STYK1: variants seen among roughly 807,000 people sequenced by gnomAD.
STYK1 encodes STY kinase 1.
Under a neutral mutation model 48.1 loss-of-function variants are expected in STYK1, and 46 were observed. The observed-to-expected ratio is 0.96, with a 90% confidence interval of 0.75 to 1.22. STYK1 has a LOEUF of 1.22. Ranked by LOEUF, STYK1 falls within the 50% of genes most tolerant of loss-of-function variation. The pLI, the probability that STYK1 is intolerant of heterozygous loss-of-function variation, is 0.00. For synonymous variants in STYK1, 188 were observed against 189.0 expected, an observed-to-expected ratio of 0.99 and a Z score of 0.04; for missense variants, 527 against 521.1, an observed-to-expected ratio of 1.01 and a Z score of -0.11.
At chr12:10,669,002 A>G (rs1420943881) in intron 1 of STYK1, among the ~76,000 whole-genome samples, 2 of 152,174 alleles carry the variant, frequency 1.3e-5, no homozygotes, top group Admixed American at 6.5e-5. Context: ...ACAAAAATGA[A>G]CTGGCAAAGG....
intron 1 of STYK1, among the ~76,000 whole-genome samples, chr12:10,649,453 G>A (rs1374388477): frequency 6.6e-6 from 1 of 152,154 alleles, no homozygotes; most frequent in Non-Finnish European, 1.5e-5. Flanking sequence ...AATGTTAGTG[G>A]GTTAAGTAAA....
chr12:10,647,762 C>G (rs1168091654), intron 1 of STYK1, among the ~76,000 whole-genome samples: 2 of 152,114 alleles, frequency 1.3e-5, no homozygotes, highest in Non-Finnish European at 2.9e-5. Context: ...AACATGGGGG[C>G]AGGTCTTTCC....
At chr12:10,656,196 G>A (rs1375942203) in intron 1 of STYK1, among the ~76,000 whole-genome samples, 1 of 152,200 alleles carries the variant, frequency 6.6e-6, no homozygotes, top group East Asian at 1.9e-4. Flanking sequence ...ACAGGCAAAA[G>A]ACATGGCTTT....
At position 10,619,912 on chromosome 12, in the gene STYK1, A is replaced by G; in HGVS notation, c.*232T>C. The G allele has an allele frequency of 1.7e-6, 1 of 601,062 alleles. No homozygotes were observed. Among genetic ancestry groups the G allele is most frequent in the Non-Finnish European group, 2.9e-6 (1 of 341,094 alleles). The allele number at this position is 601,062 out of a possible 1,614,324, so 37.2% of individuals were successfully genotyped here. On this transcript the variant is annotated 3_prime_UTR_variant, in exon 11 of 11. Coordinates refer to ENST00000075503, the MANE Select transcript of STYK1 (RefSeq NM_018423.3). ...TTGCACAGGTCCACCACTTCTACCC[A>G]GGATTTCTAGGACTGGGACAGCAGA... is the stretch of plus-strand genomic sequence containing the variant.
intron 1 of STYK1, among the ~76,000 whole-genome samples, chr12:10,669,310 G>C (rs992027658): frequency 2.0e-5 from 3 of 152,112 alleles, no homozygotes; most frequent in African/African-American, 7.2e-5. Flanking sequence ...ATGGTACCCA[G>C]GTTTCTGTTC....
At chr12:10,644,202 G>T (rs1947575809) in intron 1 of STYK1, among the ~76,000 whole-genome samples, 1 of 152,198 alleles carries the variant, frequency 6.6e-6, no homozygotes, top group African/African-American at 2.4e-5. Flanking sequence ...TGACTTTGAA[G>T]GGGTAGCATG....
At chr12:10,622,268 A>G (rs1029411851) in intron 9 of STYK1, among the ~76,000 whole-genome samples, 1 of 152,214 alleles carries the variant, frequency 6.6e-6, no homozygotes, top group African/African-American at 2.4e-5. Context: ...ATACATGGGA[A>G]AGTGTGCAGT....
Position 10,619,218 on chromosome 12 carries a change from A to G in STYK1, c.*926T>C, listed in dbSNP as rs543374921. On this transcript the variant is annotated 3_prime_UTR_variant, in exon 11 of 11. Coordinates refer to ENST00000075503, the MANE Select transcript of STYK1 (RefSeq NM_018423.3). ...ATTAATTTAATAAAATAAGTTTCAC[A>G]GTATATCAACAGATGATTGAAAATT... 6.6e-6 allele frequency: 1 copy of G among 152,348 alleles called. No individual in the cohort carries two copies. Among genetic ancestry groups the G allele is most frequent in the Admixed American group, 6.5e-5 (1 of 15,310 alleles). The allele number at this position is 152,348 out of a possible 1,614,324, so 9.4% of individuals were successfully genotyped here.
intron 2 of STYK1, among the ~76,000 whole-genome samples, chr12:10,636,369 A>G (rs1178173476): frequency 6.6e-6 from 1 of 152,222 alleles, no homozygotes; most frequent in African/African-American, 2.4e-5. Flanking sequence ...CGGGCGGAAA[A>G]TTGGCACAGA....
chr12:10,630,394 A>G (rs1353989758), intron 5 of STYK1, among the ~76,000 whole-genome samples: 1 of 149,482 alleles, frequency 6.7e-6, no homozygotes, highest in African/African-American at 2.4e-5. Context: ...TCAAAAAAAA[A>G]AAAAAAGAAA....
intron 1 of STYK1, among the ~76,000 whole-genome samples, chr12:10,649,881 G>A (rs1475437739): frequency 6.6e-6 from 1 of 152,132 alleles, no homozygotes; most frequent in East Asian, 1.9e-4. Flanking sequence ...GGGAGGTTGA[G>A]GCGGGCGGAT....
chr12:10,650,257 C>T (rs1016251667), intron 1 of STYK1, among the ~76,000 whole-genome samples: 1 of 151,828 alleles, frequency 6.6e-6, no homozygotes, highest in African/African-American at 2.4e-5. Context: ...TCATCTCCAT[C>T]CAACTGTAGT....
At chr12:10,671,000 T>TC (rs1306189325) in intron 1 of STYK1, among the ~76,000 whole-genome samples, 2 of 138,620 alleles carry the variant, frequency 1.4e-5, no homozygotes, top group Non-Finnish European at 1.6e-5. Flanking sequence ...TATTGATTTT[T>TC]TTTTTTTTTT....
Position 10,672,342 on chromosome 12 carries a change from T to C in STYK1, c.-195+1624A>G, listed in dbSNP as rs1191713844. On this transcript the variant is annotated intron_variant, in intron 1 of 10. Transcript: ENST00000075503. The surrounding 1 kb of genome is among the most constrained non-coding windows in gnomAD (Gnocchi z 4.0). ...TACAGCCACTCCCCATCGCTGTCAT[T>C]GCCTCCTGAGCTCCTCCTCCTGTCA... 6.6e-6 allele frequency among the ~76,000 whole-genome samples: 1 copy of C among 152,200 alleles called. No homozygotes were observed. Among genetic ancestry groups the C allele is most frequent in the African/African-American group, 2.4e-5 (1 of 41,442 alleles).
chr12:10,640,671 A>C (rs1947534207), intron 1 of STYK1: 1 of 152,230 alleles, frequency 6.6e-6, no homozygotes, highest in South Asian at 2.1e-4. Flanking sequence ...GGTACTCACC[A>C]AATTATGAAA....
intron 1 of STYK1, among the ~76,000 whole-genome samples, chr12:10,643,548 T>A (rs1478660421): frequency 6.6e-6 from 1 of 152,230 alleles, no homozygotes; most frequent in African/African-American, 2.4e-5. Flanking sequence ...TACCAAGTCA[T>A]TCACTCAGAT....
At chr12:10,668,277 G>A (rs1225534775) in intron 1 of STYK1, among the ~76,000 whole-genome samples, 1 of 152,030 alleles carries the variant, frequency 6.6e-6, no homozygotes, top group Non-Finnish European at 1.5e-5. Context: ...AGCTTAAAAC[G>A]GATTTCAGGT....
chr12:10,654,546 T>G (rs1316611729), intron 1 of STYK1, among the ~76,000 whole-genome samples: 3 of 152,148 alleles, frequency 2.0e-5, no homozygotes, highest in African/African-American at 7.2e-5. Context: ...ATTGGCAGAC[T>G]TTAGGTAAGG....
chr12:10,642,271 A>T (rs1329781524), intron 1 of STYK1, among the ~76,000 whole-genome samples: 2 of 152,220 alleles, frequency 1.3e-5, no homozygotes, highest in African/African-American at 4.8e-5. Context: ...TTCCTGTGCT[A>T]TAATGGTAAG....
Sources: gnomAD v4.1 joint callset for allele counts (sites outside exome capture counted in the v4.1 genomes callset) on GRCh38, gnomAD v4.1.1 for gene constraint, Gnocchi (gnomAD v3.1) non-coding constraint, MANE v1.5 for transcripts, NCBI Gene and HGNC (gene_info 2026-07-23, HGNC 2026-07-21) for gene names.